The following KCNH5 variants were observed in gnomAD, a reference collection of about 807,000 sequenced individuals.
KCNH5 encodes the protein potassium voltage-gated channel subfamily H member 5.
Under a neutral mutation model 96.1 loss-of-function variants are expected in KCNH5, and 46 were observed. The ratio of observed to expected loss-of-function variants is 0.48; its 90% CI spans 0.38 to 0.61. The LOEUF (loss-of-function observed/expected upper bound fraction) is 0.61, where lower values mean the gene tolerates loss of function less well. Among genes scored for constraint, KCNH5 ranks in the 20% least tolerant of loss-of-function variants. KCNH5 has a pLI of 0.00. For synonymous variants in KCNH5, 439 were observed against 449.8 expected (o/e 0.98, Z 0.30); for missense variants, 907 against 1,225.8 (o/e 0.74, Z 3.88).
At chr14:62,732,885 C>G (rs1420915044) in intron 10 of KCNH5, among the ~76,000 whole-genome samples, 1 of 152,076 alleles carries the variant, frequency 6.6e-6, no homozygotes, top group Non-Finnish European at 1.5e-5. Flanking sequence ...TTCTCTCTTT[C>G]TGTCTCTCTC....
intron 8 of KCNH5, among the ~76,000 whole-genome samples, chr14:62,803,730 T>C (rs1886710948): frequency 6.6e-6 from 1 of 152,182 alleles, no homozygotes; most frequent in Non-Finnish European, 1.5e-5. Context: ...TATCATCATA[T>C]TTAATCAGAA....
intron 7 of KCNH5, among the ~76,000 whole-genome samples, chr14:62,863,696 A>G (rs1166434864): frequency 6.6e-6 from 1 of 152,190 alleles, no homozygotes; most frequent in Non-Finnish European, 1.5e-5. Flanking sequence ...GAAATTTTAT[A>G]TGCTATATAA....
chr14:62,737,753 G>A (rs1020318471), intron 10 of KCNH5, among the ~76,000 whole-genome samples: 8 of 152,004 alleles, frequency 5.3e-5, no homozygotes, highest in South Asian at 2.1e-4. Flanking sequence ...AATCCCAGTC[G>A]AGTACCACTT....
rs186729242 is a variant in KCNH5 at position 62,937,688 on chromosome 14, T to C, written c.1369+12445A>G. Among the ~76,000 whole-genome samples the C allele has an allele frequency of 3.9e-5, 6 of 152,314 alleles. No individual in the cohort carries two copies. The East Asian group carries it at 7.7e-4, about 20-fold the overall frequency. The stretch of plus-strand genomic sequence containing the variant: ...TGTTACAGGAAGAAGATTCGTAAGA[T>C]TGCTAAACATTCATTTTAGGGGCAG... On this transcript the variant is annotated intron_variant, in intron 7 of 10. Transcript: ENST00000322893.
chr14:62,757,325 C>A (rs1266690342), intron 10 of KCNH5, among the ~76,000 whole-genome samples: 1 of 152,056 alleles, frequency 6.6e-6, no homozygotes, highest in East Asian at 1.9e-4. Flanking sequence ...AGAAGGGAAC[C>A]CTTGTATACT....
intron 1 of KCNH5, among the ~76,000 whole-genome samples, chr14:63,042,767 G>GA (rs1345158307): frequency 6.6e-6 from 1 of 152,146 alleles, no homozygotes; most frequent in East Asian, 1.9e-4. Flanking sequence ...ATTCCCCCGT[G>GA]AATGTGTAGA....
chr14:62,748,093 C>T (rs1180694809), intron 10 of KCNH5, among the ~76,000 whole-genome samples: 1 of 152,106 alleles, frequency 6.6e-6, no homozygotes, highest in Non-Finnish European at 1.5e-5. Context: ...GATCTTGCAC[C>T]AGAAAGAATT....
At chr14:62,775,134 T>C (rs1027247792) in intron 10 of KCNH5, among the ~76,000 whole-genome samples, 2 of 152,226 alleles carry the variant, frequency 1.3e-5, no homozygotes, top group African/African-American at 4.8e-5. Flanking sequence ...TATCCATTAA[T>C]ATAATTGCTT....
At chr14:62,958,622 C>G (rs1037672419) in intron 6 of KCNH5, among the ~76,000 whole-genome samples, 1 of 152,128 alleles carries the variant, frequency 6.6e-6, no homozygotes, top group Non-Finnish European at 1.5e-5. Flanking sequence ...CCTCTTCATT[C>G]TCTACCTTTT....
chr14:62,974,209 T>C (rs540869015), intron 6 of KCNH5, among the ~76,000 whole-genome samples: 1 of 152,294 alleles, frequency 6.6e-6, no homozygotes, highest in African/African-American at 2.4e-5. Context: ...TTTGACCTAG[T>C]TTTTATGTTT....
chr14:62,761,357 A>T (rs1216179360), intron 10 of KCNH5, among the ~76,000 whole-genome samples: 1 of 36,110 alleles, frequency 2.8e-5, no homozygotes, highest in Admixed American at 2.6e-4. Flanking sequence ...TCACTCTCTC[A>T]AAAAAAAAAA....
chr14:62,837,625 T>C (rs896633048), intron 8 of KCNH5, among the ~76,000 whole-genome samples: 2 of 152,186 alleles, frequency 1.3e-5, no homozygotes, highest in Non-Finnish European at 1.5e-5. Context: ...AAAAATGATT[T>C]GAAGTTTGAG....
chr14:62,990,585 T>G (rs1890791239), intron 4 of KCNH5, among the ~76,000 whole-genome samples: 1 of 152,120 alleles, frequency 6.6e-6, no homozygotes, highest in South Asian at 2.1e-4. Context: ...AAAGGTAATA[T>G]TAACCCATCA....
intron 10 of KCNH5, among the ~76,000 whole-genome samples, chr14:62,779,328 A>C (rs1456527937): frequency 6.6e-6 from 1 of 152,224 alleles, no homozygotes; most frequent in South Asian, 2.1e-4. Flanking sequence ...GTGCCTAAAG[A>C]GAGCTGAGAA....
chr14:62,946,475 A>G (rs560904025), intron 7 of KCNH5, among the ~76,000 whole-genome samples: 8 of 151,908 alleles, frequency 5.3e-5, no homozygotes, highest in Non-Finnish European at 8.8e-5. Context: ...TTAAAAACCT[A>G]TACACAAATG....
chr14:62,730,241 G>A (rs1461603551), intron 10 of KCNH5, among the ~76,000 whole-genome samples: 1 of 152,154 alleles, frequency 6.6e-6, no homozygotes, highest in Non-Finnish European at 1.5e-5. Flanking sequence ...TGAAAATACA[G>A]TTTTAGGATT....
intron 7 of KCNH5, among the ~76,000 whole-genome samples, chr14:62,913,291 G>A (rs201868187): frequency 3.3e-5 from 5 of 151,928 alleles, no homozygotes; most frequent in East Asian, 1.9e-4. Context: ...GCAGTGGTGC[G>A]ATCTCGGCTC....
At chr14:62,829,527 G>T (rs1353103865) in intron 8 of KCNH5, among the ~76,000 whole-genome samples, 1 of 152,180 alleles carries the variant, frequency 6.6e-6, no homozygotes, top group Non-Finnish European at 1.5e-5. Context: ...CAACGCTTGG[G>T]GCTTGCACCC....
Position 62,705,910 on chromosome 14 carries a change from A to G in KCNH5, c.*1598T>C, listed in dbSNP as rs1884420737. On this transcript the variant is annotated 3_prime_UTR_variant, in exon 11 of 11. Coordinates refer to ENST00000322893, the MANE Select transcript of KCNH5 (RefSeq NM_139318.5). ...CAGATGGTCCCGTAATATATAAATT[A>G]CTCACACATTTTTTTCAACTTCATG... is the stretch of plus-strand genomic sequence containing the variant. 1 of 152,090 alleles carries G rather than the reference A, an allele frequency of 6.6e-6. No individual in the cohort carries two copies. Among genetic ancestry groups the G allele is most frequent in the Admixed American group, 6.6e-5 (1 of 15,266 alleles). The allele number at this position is 152,090 out of a possible 1,614,324, so 9.4% of individuals were successfully genotyped here.
Sources: gnomAD v4.1 joint callset for allele counts (sites outside exome capture counted in the v4.1 genomes callset) on GRCh38, gnomAD v4.1.1 for gene constraint, MANE v1.5 for transcripts, NCBI Gene and HGNC (gene_info 2026-07-23, HGNC 2026-07-21) for gene names.